The following HERC2 variants were observed in gnomAD, a reference collection of about 807,000 sequenced individuals.
HERC2 encodes the protein E3 ubiquitin-protein ligase HERC2.
A neutral mutation model predicts 537.7 loss-of-function variants in HERC2; 102 were observed. That is an observed-to-expected ratio of 0.19 (90% CI 0.16 to 0.22). The LOEUF is 0.22. Ranked by LOEUF, HERC2 falls within the 10% of genes least tolerant of loss-of-function variation. The pLI is 1.00. For missense variants in HERC2, 4,236 were observed against 6,198.2 expected, an observed-to-expected ratio of 0.68 and a Z score of 10.63; for synonymous variants, 2,224 against 2,466.2, an observed-to-expected ratio of 0.90 and a Z score of 2.91.
At position 28,265,502 on chromosome 15, in the gene HERC2, A is replaced by G; in HGVS notation, c.1870+116T>C. On this transcript the variant is annotated intron_variant, in intron 14 of 92. Coordinates refer to ENST00000261609, the MANE Select transcript of HERC2 (RefSeq NM_004667.6). This position sits in a 1 kb window ranked among gnomAD's most constrained non-coding sequence, Gnocchi z 4.0. The stretch of plus-strand genomic sequence containing the variant: ...CCCAATGCCACTGAGCCCCACACCC[A>G]CTGGGCGACAGGGTGGGTGGCCTCG... 1 of 788,794 alleles carries G rather than the reference A, an allele frequency of 1.3e-6. No individual in the cohort carries two copies. Among genetic ancestry groups the G allele is most frequent in the Non-Finnish European group, 2.1e-6 (1 of 475,000 alleles). The allele number at this position is 788,794 out of a possible 1,614,324, so 48.9% of individuals were successfully genotyped here.
chr15:28,191,857 G>C, intron 53 of HERC2, 104 bp downstream of exon 53: 1 of 878,072 alleles, frequency 1.1e-6, no homozygotes, highest in Non-Finnish European at 1.8e-6. Flanking sequence ...ACTGACAGGT[G>C]CTATCAGCAA....
Position 28,265,837 on chromosome 15 carries a change from T to C in HERC2, c.1736A>G (p.Asn579Ser). 6.2e-7 allele frequency: 1 copy of C among 1,614,158 alleles called. No homozygotes were observed. The highest frequency in any genetic ancestry group is 1.3e-5 in the African/African-American group (1 of 75,046). Residue 579 changes from asparagine to serine, a missense_variant, in exon 13 of 93, where the codon AAC becomes AGC. By Grantham distance (46) the Asn-to-Ser change is conservative (BLOSUM62 1). This residue lies in a region of HERC2 where 754 missense variants were observed against 1,085.0 expected (regional missense o/e 0.69). Transcript: ENST00000261609. This position sits in a 1 kb window ranked among gnomAD's most constrained non-coding sequence, Gnocchi z 4.0. ...EGELYTWGRG[N>S]YGRLGHGSSE... ...CGTACCATGGCCCAGCCGGCCGTAG[T>C]TCCCGCGGCCCCAGGTGTACAGCTC...
rs774976160 is a variant in HERC2, at chr15:28,168,466, T to C, written c.10354A>G (p.Met3452Val). ...MASPMNGEEC[M>V]LAVDIEDRLS... ...CTGTCTTCGATATCAACAGCCAGCA[T>C]GCATTCTTCTCCATTCATGGGACTA... Residue 3452 changes from methionine (M) to valine (V), a missense_variant, in exon 67 of 93, where the codon ATG becomes GTG. By Grantham distance (21) the Met-to-Val change is conservative. Coordinates refer to ENST00000261609, the MANE Select transcript of HERC2 (RefSeq NM_004667.6). The C allele has an allele frequency of 6.8e-6, 11 of 1,614,102 alleles. No homozygotes were observed. Among genetic ancestry groups the C allele is most frequent in the East Asian group, 2.2e-5 (1 of 44,876 alleles).
intron 23 of HERC2, among the ~76,000 whole-genome samples, chr15:28,240,299 T>G (rs1263114553): frequency 6.6e-6 from 1 of 152,152 alleles, no homozygotes; most frequent in African/African-American, 2.4e-5. Context: ...GCGCCTGTAG[T>G]CCCAGCTACT....
intron 88 of HERC2, among the ~76,000 whole-genome samples, chr15:28,115,848 C>T (rs1359846386): frequency 2.6e-5 from 4 of 152,240 alleles, no homozygotes; most frequent in Non-Finnish European, 5.9e-5. Flanking sequence ...GGAGTGTCCT[C>T]CAGGGAGCTA....
chr15:28,268,261 G>A lies in HERC2; in HGVS notation c.1598+204C>T, dbSNP rs1365100475. On this transcript the variant is annotated intron_variant, in intron 12 of 92. Coordinates refer to ENST00000261609, the MANE Select transcript of HERC2 (RefSeq NM_004667.6). This position sits in a 1 kb window ranked among gnomAD's most constrained non-coding sequence, Gnocchi z 4.7. ...TGCACGGGGTCAAGAAGAACAGAAAGGCCAATTCCCGTTGCCCTCCACACA... is the reference window on the plus strand; with the variant it reads ...TGCACGGGGTCAAGAAGAACAGAAAAGCCAATTCCCGTTGCCCTCCACACA... 6.6e-6 allele frequency among the ~76,000 whole-genome samples: 1 copy of A among 152,122 alleles called. No individual in the cohort carries two copies. Among genetic ancestry groups the A allele is most frequent in the African/African-American group, 2.4e-5 (1 of 41,442 alleles).
At chr15:28,240,389 G>A (rs895857315) in intron 23 of HERC2, among the ~76,000 whole-genome samples, 10 of 152,136 alleles carry the variant, frequency 6.6e-5, no homozygotes, top group African/African-American at 9.7e-5. Flanking sequence ...CTACACTCCC[G>A]CCTGGGCGAA....
intron 43 of HERC2, among the ~76,000 whole-genome samples, chr15:28,212,026 GCCAT>G (rs1899295010): frequency 6.6e-6 from 1 of 152,176 alleles, no homozygotes; most frequent in Non-Finnish European, 1.5e-5. Flanking sequence ...CACAGTCTTA[GCCAT>G]CCTGAATGTC....
At position 28,176,873 on chromosome 15, in the gene HERC2, C is replaced by T; in HGVS notation, c.9432+77G>A. The T allele has an allele frequency of 6.3e-7, 1 of 1,583,100 alleles. No individual in the cohort carries two copies. Among genetic ancestry groups the T allele is most frequent in the African/African-American group, 1.3e-5 (1 of 74,380 alleles). On this transcript the variant is annotated intron_variant, in intron 61 of 92. Transcript: ENST00000261609. This position sits in a 1 kb window ranked among gnomAD's most constrained non-coding sequence, Gnocchi z 5.0. ...CATGCACACATCTTTATGAACTTTC[C>T]TAGACTTGAAGCTTATTTTCTCTTG...
chr15:28,220,664 G>A lies in HERC2; in HGVS notation c.5653-20C>T. On this transcript the variant is annotated intron_variant, in intron 36 of 92. Transcript: ENST00000261609. Reference sequence around the variant, plus strand: ...CCCATCCTGAGAAAGCCAAAGTAGAGATCAGTTAGGAGGGTGCGTAACCTG... The same window carrying A: ...CCCATCCTGAGAAAGCCAAAGTAGAAATCAGTTAGGAGGGTGCGTAACCTG... 1 of 1,600,338 alleles carries A rather than the reference G, an allele frequency of 6.2e-7. No individual in the cohort carries two copies. The highest frequency in any genetic ancestry group is 1.1e-5 in the South Asian group (1 of 90,942).
In HERC2 at chr15:28,269,502, A is replaced by G. The variant is rs1596357208; in HGVS notation, c.1258-66T>C. 6.5e-6 allele frequency: 8 copies of G among 1,239,394 alleles called. No individual in the cohort carries two copies. The East Asian group carries it at 1.6e-4, about 25-fold the overall frequency. 76.8% of individuals were successfully genotyped at this position (1,239,394 alleles called of 1,614,324 possible). A position where few individuals can be genotyped will look rare whatever the true frequency, so the allele number is the denominator to read the frequency against. ...ACAATAAAAAAAGGCTGGGAGTAAC[A>G]CTGAGCTACTACAAAATAAAAACAA... On this transcript the variant is annotated intron_variant, in intron 10 of 92. Coordinates refer to ENST00000261609, the MANE Select transcript of HERC2 (RefSeq NM_004667.6).
At chr15:28,316,787 A>C (rs891027073) in intron 2 of HERC2, among the ~76,000 whole-genome samples, 1 of 151,934 alleles carries the variant, frequency 6.6e-6, no homozygotes, top group African/African-American at 2.4e-5. Flanking sequence ...GATCGTTTTT[A>C]TTTTTTTTGA....
chr15:28,176,032 G>A lies in HERC2; in HGVS notation c.9687-376C>T, dbSNP rs1042302188. ...AGGCCTGACACACCATCCACAGCCAGTCCAGGCACCTGCTCTTTTGCATAT... is the reference window on the plus strand; with the variant it reads ...AGGCCTGACACACCATCCACAGCCAATCCAGGCACCTGCTCTTTTGCATAT... On this transcript the variant is annotated intron_variant, in intron 63 of 92. Coordinates refer to ENST00000261609, the MANE Select transcript of HERC2 (RefSeq NM_004667.6). This position sits in a 1 kb window ranked among gnomAD's most constrained non-coding sequence, Gnocchi z 5.0. Among the ~76,000 whole-genome samples, 2 of 152,160 alleles carry A rather than the reference G, an allele frequency of 1.3e-5. No individual in the cohort carries two copies. Among genetic ancestry groups the A allele is most frequent in the Non-Finnish European group, 2.9e-5 (2 of 68,034 alleles).
chr15:28,303,196 G>A (rs919905456), intron 2 of HERC2, among the ~76,000 whole-genome samples: 49 of 152,204 alleles, frequency 3.2e-4, no homozygotes, highest in Non-Finnish European at 5.6e-4. Flanking sequence ...GTGAGAGATA[G>A]CGGTCTAGTT....
At chr15:28,246,191 T>G (rs1903694968) in intron 22 of HERC2, 125 bp from the exon 23 acceptor site, 2 of 632,846 alleles carry the variant, frequency 3.2e-6, no homozygotes, top group Non-Finnish European at 5.3e-6. Flanking sequence ...AGCATATTTC[T>G]AAAGAATTAT....
chr15:28,183,334 C>T (rs577736731), intron 56 of HERC2, among the ~76,000 whole-genome samples: 24 of 152,182 alleles, frequency 1.6e-4, no homozygotes, highest in Non-Finnish European at 3.1e-4. Flanking sequence ...CTCAGCCTCC[C>T]GAACAGCTGG....
chr15:28,142,703 G>C (rs1437916889), intron 75 of HERC2, 124 bp downstream of exon 75: 16 of 973,760 alleles, frequency 1.6e-5, no homozygotes, highest in Admixed American at 2.8e-5. Context: ...TTTCATATTT[G>C]ACTTCAGCAA....
intron 2 of HERC2, among the ~76,000 whole-genome samples, chr15:28,313,466 C>T (rs1320673522): frequency 6.6e-6 from 1 of 150,616 alleles, no homozygotes; most frequent in Non-Finnish European, 1.5e-5. Flanking sequence ...CCGCACCCAG[C>T]CCGTTAAGGC....
chr15:28,124,924 G>C, intron 84 of HERC2, 82 bp downstream of exon 84: 1 of 1,357,382 alleles, frequency 7.4e-7, no homozygotes. Context: ...AGAAGCCTCT[G>C]TAAACACACA....
Sources: allele counts gnomAD v4.1 joint callset (sites outside exome capture counted in the v4.1 genomes callset), GRCh38; gene constraint gnomAD v4.1.1; regional missense constraint gnomAD v4.1.1; non-coding constraint Gnocchi (gnomAD v3.1); transcripts MANE v1.5; gene names NCBI Gene and HGNC (gene_info 2026-07-23, HGNC 2026-07-21).